The following KLHL36 variants were observed in gnomAD, a reference collection of about 807,000 sequenced individuals.
KLHL36 encodes kelch like family member 36.
Under a neutral mutation model 53.3 loss-of-function variants are expected in KLHL36, and 35 were observed. The observed-to-expected ratio is 0.66, with a 90% confidence interval of 0.50 to 0.87. The LOEUF is 0.87. Among genes scored for constraint, KLHL36 ranks in the 40% least tolerant of loss-of-function variants. The pLI, the probability that KLHL36 is intolerant of heterozygous loss-of-function variation, is 0.00. For missense variants in KLHL36, 864 were observed against 897.6 expected (o/e 0.96, Z 0.48); for synonymous variants, 472 against 398.9 (o/e 1.18, Z -2.18).
intron 1 of KLHL36, among the ~76,000 whole-genome samples, chr16:84,650,106 G>T (rs1906760930): frequency 6.6e-6 from 1 of 152,114 alleles, no homozygotes; most frequent in Non-Finnish European, 1.5e-5. Flanking sequence ...TCCCAGCTGT[G>T]TGACGCCGGG....
At position 84,657,922 on chromosome 16, in the gene KLHL36, C is replaced by T. The variant is rs1392237222; in HGVS notation, c.1115C>T (p.Pro372Leu). The T allele has an allele frequency of 6.6e-7, 1 of 1,526,672 alleles. No individual in the cohort carries two copies. Among genetic ancestry groups the T allele is most frequent in the Non-Finnish European group, 8.8e-7 (1 of 1,137,026 alleles). The allele number at this position is 1,526,672 out of a possible 1,614,324, so 94.6% of individuals were successfully genotyped here. ...TCCAATCTTCTTTATAGGTATGACC[C>T]CCGCTGTAAACAGTGGATCAAGGTG... is the stretch of plus-strand genomic sequence containing the variant. ...AASNLLYRYD[P>L]RCKQWIKVAS... Residue 372 changes from proline (P) to leucine (L), a missense_variant, in exon 3 of 5, where the codon CCC becomes CTC. Physicochemically the swap from Pro to Leu is moderately conservative, Grantham distance 98. Coordinates refer to ENST00000564996, the MANE Select transcript of KLHL36 (RefSeq NM_024731.4).
chr16:84,655,866 G>C (rs190708765), intron 2 of KLHL36, among the ~76,000 whole-genome samples: 1 of 152,122 alleles, frequency 6.6e-6, no homozygotes, highest in Non-Finnish European at 1.5e-5. Flanking sequence ...ATAGTTTTCA[G>C]TTACCTGTTT....
chr16:84,659,762 G>A lies in KLHL36; in HGVS notation c.1140G>A (p.Val380=), dbSNP rs372475963. ...YDPRCKQWIK[V]ASMNQRRVDF... ...GTACAGGTATCTCAACTCCACAGGT[G>A]GCCTCCATGAACCAGCGCCGTGTGG... The change falls in exon 4 of 5, where the codon GTG becomes GTA. Residue 380 remains valine (V), a splice_region_variant and synonymous_variant. Coordinates refer to ENST00000564996, the MANE Select transcript of KLHL36 (RefSeq NM_024731.4). The A allele has an allele frequency of 6.2e-7, 1 of 1,613,928 alleles. No individual in the cohort carries two copies. Among genetic ancestry groups the A allele is most frequent in the African/African-American group, 1.3e-5 (1 of 74,926 alleles).
At chr16:84,660,426 C>T (rs9931918) in intron 4 of KLHL36, among the ~76,000 whole-genome samples, 2 of 152,170 alleles carry the variant, frequency 1.3e-5, no homozygotes, top group African/African-American at 4.8e-5. Flanking sequence ...GTGGCCGCCT[C>T]ACCCTCCTCA....
chr16:84,659,621 C>G, intron 3 of KLHL36, 139 bp from the exon 4 acceptor site: 2 of 879,040 alleles, frequency 2.3e-6, no homozygotes, highest in Non-Finnish European at 1.8e-6. Context: ...AAGAAGCCCT[C>G]TTTATTCAGG....
intron 1 of KLHL36, among the ~76,000 whole-genome samples, chr16:84,649,834 A>G (rs1322128571): frequency 6.6e-6 from 1 of 152,048 alleles, no homozygotes; most frequent in Non-Finnish European, 1.5e-5. Flanking sequence ...AACTCTTCTC[A>G]TGAACTCAAA....
intron 3 of KLHL36, chr16:84,659,068 C>T (rs146593385): frequency 1.4e-4 from 21 of 152,224 alleles, no homozygotes; most frequent in African/African-American, 5.1e-4. Context: ...GTGGCACGAT[C>T]TCGGCTAATT....
At chr16:84,660,163 T>C (rs1222844264) in intron 4 of KLHL36, among the ~76,000 whole-genome samples, 1 of 151,972 alleles carries the variant, frequency 6.6e-6, no homozygotes. Context: ...CATGGCTGAG[T>C]GTGTGCAGTT....
intron 2 of KLHL36, among the ~76,000 whole-genome samples, chr16:84,656,635 A>G (rs1233938411): frequency 2.0e-5 from 3 of 149,888 alleles, no homozygotes; most frequent in African/African-American, 7.4e-5. Flanking sequence ...CTGTGTCAAA[A>G]AAAAAAAAAG....
rs749684519 is a variant in KLHL36, at chr16:84,657,333, G to A, written c.526G>A (p.Gly176Ser). 1.9e-5 allele frequency: 30 copies of A among 1,613,204 alleles called. No individual in the cohort carries two copies. The highest frequency in any genetic ancestry group is 9.9e-5 in the South Asian group (9 of 91,080). The change falls in exon 3 of 5, where the codon GGC (glycine) becomes AGC (serine). Residue 176 changes from glycine (G) to serine (S), a missense_variant. Coordinates refer to ENST00000564996, the MANE Select transcript of KLHL36 (RefSeq NM_024731.4). ...FIDGFILNHF[G>S]TLSFTPDFLQ... Reference sequence around the variant, plus strand: ...CGATGGCTTCATCCTGAACCACTTCGGCACGCTGTCCTTTACGCCCGACTT... The same window carrying A: ...CGATGGCTTCATCCTGAACCACTTCAGCACGCTGTCCTTTACGCCCGACTT...
In KLHL36 at chr16:84,661,371, G is replaced by A. The variant is rs933873681; in HGVS notation, c.1296-207G>A. Reference sequence around the variant, plus strand: ...AGCTGGGTTCTGGCCCAGGCGGCCTGACTGCAAAGCTGTCCACTTCCCCGC... The same window carrying A: ...AGCTGGGTTCTGGCCCAGGCGGCCTAACTGCAAAGCTGTCCACTTCCCCGC... On this transcript the variant is annotated intron_variant, in intron 4 of 4. Transcript: ENST00000564996. The surrounding 1 kb of genome is among the most constrained non-coding windows in gnomAD (Gnocchi z 7.9). 2.0e-5 allele frequency among the ~76,000 whole-genome samples: 3 copies of A among 152,190 alleles called. No individual in the cohort carries two copies. The highest frequency in any genetic ancestry group is 4.4e-5 in the Non-Finnish European group (3 of 68,036).
At position 84,657,642 on chromosome 16, in the gene KLHL36, G is replaced by A; in HGVS notation, c.835G>A (p.Ala279Thr). 6.2e-7 allele frequency: 1 copy of A among 1,611,920 alleles called. No individual in the cohort carries two copies. The highest frequency in any genetic ancestry group is 1.1e-5 in the South Asian group (1 of 91,030). The change falls in exon 3 of 5, where the codon GCC (alanine) becomes ACC (threonine). Residue 279 changes from alanine (A) to threonine (T), a missense_variant. Ala to Thr is a moderately conservative substitution (Grantham distance 58). Transcript: ENST00000564996. ...CGTGCGCTACCACAACAACCTGGCG[G>A]CCCAGCCCGTCATGCAGACCAAGCG... ...EAVRYHNNLA[A>T]QPVMQTKRTA...
At chr16:84,659,728 G>GA in intron 3 of KLHL36, 32 bp from the exon 4 acceptor site, 1 of 1,605,680 alleles carries the variant, frequency 6.2e-7, no homozygotes, top group East Asian at 2.2e-5. Flanking sequence ...CGGGTTCGGG[G>GA]AAGGGAAGGT....
intron 2 of KLHL36, among the ~76,000 whole-genome samples, chr16:84,653,145 A>C (rs1200459476): frequency 1.1e-4 from 16 of 152,102 alleles, no homozygotes. Context: ...TGAGCCCAGG[A>C]GGTAGAGGTT....
intron 2 of KLHL36, among the ~76,000 whole-genome samples, chr16:84,651,673 G>A (rs1906891111): frequency 6.6e-6 from 1 of 152,056 alleles, no homozygotes; most frequent in Non-Finnish European, 1.5e-5. Context: ...CTCAGATCAT[G>A]GATTCTCAAT....
intron 3 of KLHL36, 44 bp from the exon 4 acceptor site, chr16:84,659,716 C>T (rs1343904295): frequency 2.5e-5 from 40 of 1,598,870 alleles, no homozygotes; most frequent in Non-Finnish European, 3.3e-5. Context: ...TTGATGCTGT[C>T]CCGGGTTCGG....
Position 84,661,731 on chromosome 16 carries a change from C to A in KLHL36, c.1449C>A (p.Arg483=). 6.2e-7 allele frequency: 1 copy of A among 1,613,390 alleles called. No homozygotes were observed. The highest frequency in any genetic ancestry group is 8.5e-7 in the Non-Finnish European group (1 of 1,179,930). The change falls in exon 5 of 5, where the codon CGC becomes CGA. Residue 483 remains arginine, a synonymous_variant. Coordinates refer to ENST00000564996, the MANE Select transcript of KLHL36 (RefSeq NM_024731.4). This position sits in a 1 kb window ranked among gnomAD's most constrained non-coding sequence, Gnocchi z 7.9. ...AGCGGCGGCCCATGACCACGGCGCG[C>A]GGCTGGCACAGCATGTGCAGCCTGG... The part of the protein sequence containing the change: ...WEERRPMTTA[R]GWHSMCSLGD...
At chr16:84,649,441 C>A (rs1314503935) in intron 1 of KLHL36, 2 of 152,346 alleles carry the variant, frequency 1.3e-5, no homozygotes, top group Non-Finnish European at 2.9e-5. Flanking sequence ...TTGGGCAACC[C>A]CCCCTGGGGC....
chr16:84,660,034 C>T (rs534844056), intron 4 of KLHL36, 117 bp downstream of exon 4: 149 of 1,065,506 alleles, frequency 1.4e-4, no homozygotes, highest in African/African-American at 1.4e-3. Flanking sequence ...TGAAATCTTC[C>T]GGCTTGTCAG....
Sources: gnomAD v4.1 joint callset for allele counts (sites outside exome capture counted in the v4.1 genomes callset) on GRCh38, gnomAD v4.1.1 for gene constraint, Gnocchi (gnomAD v3.1) non-coding constraint, MANE v1.5 for transcripts, NCBI Gene and HGNC (gene_info 2026-07-23, HGNC 2026-07-21) for gene names.